Variants in FAM184B observed in about 807,000 individuals in gnomAD.
The protein encoded by FAM184B is family with sequence similarity 184 member B, also known as protein FAM184B.
In FAM184B, 111 loss-of-function variants were observed where a neutral mutation model predicts 135.9. That is an observed-to-expected ratio of 0.82 (90% CI 0.70 to 0.96). The LOEUF is 0.96. Among genes scored for constraint, FAM184B ranks in the 40% least tolerant of loss-of-function variants. The probability of loss-of-function intolerance (pLI) is 0.00; values close to 1 mark genes in which losing one functional copy is unlikely to be tolerated. For missense variants in FAM184B, 1,375 were observed against 1,323.9 expected, an observed-to-expected ratio of 1.04 and a Z score of -0.60; for synonymous variants, 552 against 524.8, an observed-to-expected ratio of 1.05 and a Z score of -0.71.
intron 1 of FAM184B, among the ~76,000 whole-genome samples, chr4:17,778,196 G>A (rs979048308): frequency 6.6e-6 from 1 of 152,124 alleles, no homozygotes; most frequent in Non-Finnish European, 1.5e-5. Context: ...TTATCAAAGA[G>A]AAAAGGCAGC....
At chr4:17,742,605 T>C (rs556961806) in intron 1 of FAM184B, among the ~76,000 whole-genome samples, 4 of 152,172 alleles carry the variant, frequency 2.6e-5, no homozygotes, top group African/African-American at 9.6e-5. Flanking sequence ...CAGCTGAGCA[T>C]TGAGGTTACA....
chr4:17,667,673 C>A (rs1315871904), intron 7 of FAM184B, among the ~76,000 whole-genome samples: 2 of 152,218 alleles, frequency 1.3e-5, no homozygotes, highest in Non-Finnish European at 2.9e-5. Context: ...TGAGTTAACT[C>A]TGCTAAGCCA....
rs188279568 is a variant in FAM184B at position 17,689,220 on chromosome 4, G to C, written c.1489-689C>G. 2.0e-5 allele frequency among the ~76,000 whole-genome samples: 3 copies of C among 152,256 alleles called. No homozygotes were observed. The East Asian group carries it at 5.8e-4, about 29-fold the overall frequency. ...ATGAACAACATTTAAGAATTATATAGGTAAAATGAGAAAAGAGTGGTTGGG... is the reference window on the plus strand; with the variant it reads ...ATGAACAACATTTAAGAATTATATACGTAAAATGAGAAAAGAGTGGTTGGG... On this transcript the variant is annotated intron_variant, in intron 6 of 17. Transcript: ENST00000265018.
intron 11 of FAM184B, 85 bp downstream of exon 11, chr4:17,652,745 G>C (rs950057932): frequency 6.9e-7 from 1 of 1,452,600 alleles, no homozygotes; most frequent in Non-Finnish European, 9.3e-7. Flanking sequence ...GAACCCTGGA[G>C]CCCTGGCCCT....
Position 17,688,517 on chromosome 4 carries a change from T to C in FAM184B, c.1503A>G (p.Glu501=), listed in dbSNP as rs770919186. The C allele has an allele frequency of 5.7e-5, 89 of 1,549,752 alleles. No homozygotes were observed. The highest frequency in any genetic ancestry group is 6.9e-5 in the Non-Finnish European group (79 of 1,146,588). ...QNSLLEVLRL[E]EFIQQNKTRP... The stretch of plus-strand genomic sequence containing the variant: ...GTGTCTTATTTTGTTGGATAAATTC[T>C]TCCAGCCTTAAAACCTAAAACAGGA... The change falls in exon 7 of 18, where the codon GAA becomes GAG. Residue 501 remains glutamate (E), a synonymous_variant. Coordinates refer to ENST00000265018, the MANE Select transcript of FAM184B (RefSeq NM_015688.2).
chr4:17,760,501 C>CAAAA (rs1560195070), intron 1 of FAM184B, among the ~76,000 whole-genome samples: 1 of 149,254 alleles, frequency 6.7e-6, no homozygotes, highest in Non-Finnish European at 1.5e-5. Context: ...AACAAACAAA[C>CAAAA]AAAAAACAAA....
intron 1 of FAM184B, among the ~76,000 whole-genome samples, chr4:17,747,920 CAAAAAAAAAA>C (rs71167333): frequency 8.8e-4 from 19 of 21,706 alleles, no homozygotes; most frequent in Middle Eastern, 0.083. Flanking sequence ...GACTCTGTCT[CAAAAAAAAAA>C]AAAAAAAAAA....
At chr4:17,651,850 CTGTG>C (rs1294552908) in intron 11 of FAM184B, among the ~76,000 whole-genome samples, 3 of 152,112 alleles carry the variant, frequency 2.0e-5, no homozygotes, top group South Asian at 4.1e-4. Flanking sequence ...TTCGAAGATG[CTGTG>C]TGTGAGTGGT....
chr4:17,773,201 T>C (rs1380247962), intron 1 of FAM184B, among the ~76,000 whole-genome samples: 1 of 152,198 alleles, frequency 6.6e-6, no homozygotes, highest in Non-Finnish European at 1.5e-5. Context: ...GAGATGGTTC[T>C]TCCCTCCCAG....
At chr4:17,671,865 G>T (rs147334003) in intron 7 of FAM184B, among the ~76,000 whole-genome samples, 2,462 of 151,538 alleles carry the variant, frequency 0.016, 77 homozygotes, top group African/African-American at 0.057. Flanking sequence ...ATTCACTAGA[G>T]GAATTTAATA....
intron 13 of FAM184B, among the ~76,000 whole-genome samples, chr4:17,640,972 C>T (rs770077896): frequency 4.0e-5 from 6 of 151,868 alleles, no homozygotes; most frequent in South Asian, 2.1e-4. Flanking sequence ...GTGGCTCTGC[C>T]GCCCAGGCTG....
intron 17 of FAM184B, chr4:17,633,425 GGA>G (rs972657264): frequency 3.9e-5 from 13 of 333,824 alleles, no homozygotes; most frequent in African/African-American, 1.7e-4. Context: ...ATGGAGACCT[GGA>G]GAGGTCAAGT....
intron 1 of FAM184B, among the ~76,000 whole-genome samples, chr4:17,747,361 G>T (rs561164064): frequency 1.3e-5 from 2 of 152,288 alleles, no homozygotes; most frequent in East Asian, 3.9e-4. Flanking sequence ...AAGAACATGG[G>T]AAACGGTGTG....
intron 1 of FAM184B, among the ~76,000 whole-genome samples, chr4:17,733,115 G>T (rs1285630737): frequency 1.3e-5 from 2 of 151,886 alleles, no homozygotes; most frequent in African/African-American, 2.4e-5. Flanking sequence ...ATGCAGAAAA[G>T]GCCTTTGACA....
At chr4:17,723,398 T>C (rs569301846) in intron 1 of FAM184B, among the ~76,000 whole-genome samples, 1 of 152,372 alleles carries the variant, frequency 6.6e-6, no homozygotes, top group South Asian at 2.1e-4. Flanking sequence ...TAGGTCACCT[T>C]TGCCAGTTGT....
At chr4:17,735,881 A>G (rs1028834371) in intron 1 of FAM184B, among the ~76,000 whole-genome samples, 5 of 152,304 alleles carry the variant, frequency 3.3e-5, no homozygotes, top group Admixed American at 1.3e-4. Context: ...AGATGTACAG[A>G]GAATCCCAGA....
chr4:17,775,187 A>T (rs1016687443), intron 1 of FAM184B, among the ~76,000 whole-genome samples: 28 of 148,872 alleles, frequency 1.9e-4, no homozygotes, highest in Admixed American at 6.0e-4. Flanking sequence ...ATTTTAATTT[A>T]ATTTAATTTT....
intron 5 of FAM184B, among the ~76,000 whole-genome samples, chr4:17,703,332 A>G (rs1417594783): frequency 6.6e-6 from 1 of 151,836 alleles, no homozygotes; most frequent in Non-Finnish European, 1.5e-5. Flanking sequence ...CCCCATCTCT[A>G]CAGAAAAATT....
At chr4:17,671,273 C>A (rs933522112) in intron 7 of FAM184B, among the ~76,000 whole-genome samples, 5 of 152,090 alleles carry the variant, frequency 3.3e-5, no homozygotes, top group Non-Finnish European at 7.4e-5. Flanking sequence ...GCATGTCTAG[C>A]ACCCCAAGTT....
Sources: gnomAD v4.1 joint callset for allele counts (sites outside exome capture counted in the v4.1 genomes callset) on GRCh38, gnomAD v4.1.1 for gene constraint, MANE v1.5 for transcripts, NCBI Gene and HGNC (gene_info 2026-07-23, HGNC 2026-07-21) for gene names.